The following STRBP variants were observed in gnomAD, a reference collection of about 807,000 sequenced individuals.
STRBP encodes spermatid perinuclear RNA binding protein, also known as spermatid perinuclear RNA-binding protein.
STRBP carries 13 observed loss-of-function variants against 80.1 expected under a neutral mutation model. That is an observed-to-expected ratio of 0.16 (90% CI 0.11 to 0.26). The LOEUF is 0.26. Ranked by LOEUF, STRBP falls within the 10% of genes least tolerant of loss-of-function variation. The pLI is 1.00. For synonymous variants in STRBP, 284 were observed against 291.2 expected (o/e 0.98, Z 0.25); for missense variants, 485 against 815.2 (o/e 0.59, Z 4.93).
Position 123,244,181 on chromosome 9 carries a change from T to C in STRBP, c.-301-7215A>G, listed in dbSNP as rs540504508. ...GACATGGAGAAACCTTAAATGCATA[T>C]AGCCTAGCAAAAGAAGCCAGTGTGA... On this transcript the variant is annotated intron_variant, in intron 1 of 18. Coordinates refer to ENST00000348403, the MANE Select transcript of STRBP (RefSeq NM_018387.5). 3.3e-5 allele frequency among the ~76,000 whole-genome samples: 5 copies of C among 152,246 alleles called. No homozygotes were observed. The South Asian group carries it at 6.2e-4, about 19-fold the overall frequency.
chr9:123,213,918 T>A (rs1354000351), intron 2 of STRBP: 1 of 136,646 alleles, frequency 7.3e-6, no homozygotes, highest in African/African-American at 2.8e-5. Context: ...CGAGACTCCA[T>A]CTCAAAAAAA....
chr9:123,191,258 A>G (rs551158792), intron 2 of STRBP, among the ~76,000 whole-genome samples: 1 of 152,324 alleles, frequency 6.6e-6, no homozygotes, highest in African/African-American at 2.4e-5. Flanking sequence ...GCACCTAAGC[A>G]AAGACTTGAT....
intron 2 of STRBP, among the ~76,000 whole-genome samples, chr9:123,201,384 C>T (rs2039320625): frequency 6.6e-6 from 1 of 152,050 alleles, no homozygotes; most frequent in Admixed American, 6.5e-5. Flanking sequence ...TTGCTGTATC[C>T]CAAAGGTTTT....
intron 2 of STRBP, among the ~76,000 whole-genome samples, chr9:123,206,920 G>A (rs957122543): frequency 2.6e-5 from 4 of 152,154 alleles, no homozygotes; most frequent in Non-Finnish European, 5.9e-5. Flanking sequence ...TTACAGGCAT[G>A]AGCCACCGCG....
At chr9:123,163,959 T>G (rs1314125706) in intron 6 of STRBP, among the ~76,000 whole-genome samples, 1 of 152,172 alleles carries the variant, frequency 6.6e-6, no homozygotes, top group Admixed American at 6.5e-5. Context: ...GTGAAACAGA[T>G]AAGAAACAGC....
intron 1 of STRBP, among the ~76,000 whole-genome samples, chr9:123,257,132 C>T (rs953807005): frequency 2.0e-5 from 3 of 152,108 alleles, no homozygotes; most frequent in African/African-American, 7.2e-5. Context: ...TCCAAACTTA[C>T]GCTCTGCTAA....
At chr9:123,118,431 C>T (rs1235923412), downstream of STRBP, among the ~76,000 whole-genome samples, 1 of 152,186 alleles carries the variant, frequency 6.6e-6, no homozygotes, top group African/African-American at 2.4e-5. Context: ...TCACTCTGCC[C>T]ACCAGCAGGG....
At chr9:123,209,717 A>AT (rs1588105848) in intron 2 of STRBP, among the ~76,000 whole-genome samples, 1 of 152,244 alleles carries the variant, frequency 6.6e-6, no homozygotes, top group Non-Finnish European at 1.5e-5. Flanking sequence ...GTGACAGGAG[A>AT]TACAGGTATT....
chr9:123,236,667 A>T (rs1473176329), intron 2 of STRBP, among the ~76,000 whole-genome samples, 163 bp downstream of exon 2: 7 of 152,176 alleles, frequency 4.6e-5, no homozygotes, highest in African/African-American at 1.7e-4. Flanking sequence ...TAAAAAAAAA[A>T]AAAAAAGTGT....
intron 1 of STRBP, among the ~76,000 whole-genome samples, chr9:123,268,206 C>A (rs2041319650): frequency 6.6e-6 from 1 of 151,844 alleles, no homozygotes; most frequent in Admixed American, 6.5e-5. Context: ...TTGCCCGAAG[C>A]GGCCGGGGCA....
chr9:123,178,407 T>G (rs1383070320), intron 4 of STRBP, among the ~76,000 whole-genome samples: 1 of 152,172 alleles, frequency 6.6e-6, no homozygotes, highest in Non-Finnish European at 1.5e-5. Context: ...CAGGTACCAT[T>G]TCAGTTTCAC....
intron 4 of STRBP, among the ~76,000 whole-genome samples, chr9:123,176,688 A>G (rs2038234331): frequency 6.6e-6 from 1 of 152,208 alleles, no homozygotes; most frequent in Admixed American, 6.5e-5. Flanking sequence ...ATTATGATAT[A>G]CTTGGTCTTA....
chr9:123,125,241 G>T lies in STRBP; in HGVS notation c.*356C>A. ...TGTGTTACAACAAAGCAGTTTATTT[G>T]TGATCAGTGTTTGAGACTCTATACA... On this transcript the variant is annotated 3_prime_UTR_variant, in exon 19 of 19. Transcript: ENST00000348403. 1.0e-6 allele frequency: 1 copy of T among 999,810 alleles called. No homozygotes were observed. The highest frequency in any genetic ancestry group is 1.2e-6 in the Non-Finnish European group (1 of 839,238). 61.9% of individuals were successfully genotyped at this position (999,810 alleles called of 1,614,324 possible).
chr9:123,193,881 C>T (rs1226431857), intron 2 of STRBP, among the ~76,000 whole-genome samples: 1 of 151,986 alleles, frequency 6.6e-6, no homozygotes, highest in Non-Finnish European at 1.5e-5. Flanking sequence ...TTAAATATAA[C>T]TAAGAAAAAA....
chr9:123,136,330 T>C lies in STRBP; in HGVS notation c.1632+51A>G, dbSNP rs374919381. The stretch of plus-strand genomic sequence containing the variant: ...AAAACTTTACATTAAGTTCAGGATA[T>C]CCTATGTCTTTGAGAAGAAAGATAA... On this transcript the variant is annotated intron_variant, in intron 15 of 18. Coordinates refer to ENST00000348403, the MANE Select transcript of STRBP (RefSeq NM_018387.5). The surrounding 1 kb of genome is among the most constrained non-coding windows in gnomAD (Gnocchi z 4.2). The C allele has an allele frequency of 3.1e-6, 5 of 1,608,936 alleles. No individual in the cohort carries two copies. The highest frequency in any genetic ancestry group is 4.2e-6 in the Non-Finnish European group (5 of 1,177,702).
intron 13 of STRBP, among the ~76,000 whole-genome samples, chr9:123,146,122 A>G (rs891631259): frequency 6.6e-6 from 1 of 151,990 alleles, no homozygotes; most frequent in African/African-American, 2.4e-5. Context: ...CTGTTATATG[A>G]AAGAACTTTT....
intron 1 of STRBP, among the ~76,000 whole-genome samples, chr9:123,257,970 G>A (rs1337183811): frequency 6.6e-6 from 1 of 151,462 alleles, no homozygotes; most frequent in Non-Finnish European, 1.5e-5. Flanking sequence ...TGCTTAATAA[G>A]GACTCAAGAT....
intron 11 of STRBP, among the ~76,000 whole-genome samples, chr9:123,156,086 A>AC: frequency 6.6e-6 from 1 of 152,122 alleles, no homozygotes; most frequent in Non-Finnish European, 1.5e-5. Flanking sequence ...AAAAAAAAAA[A>AC]AAACTAAGTC....
intron 2 of STRBP, among the ~76,000 whole-genome samples, chr9:123,196,176 G>A (rs1389273989): frequency 2.6e-5 from 4 of 152,086 alleles, no homozygotes; most frequent in South Asian, 2.1e-4. Context: ...ATCCATATGC[G>A]AAAGAAGGAA....
Sources: gnomAD v4.1 joint callset for allele counts (sites outside exome capture counted in the v4.1 genomes callset) on GRCh38, gnomAD v4.1.1 for gene constraint, Gnocchi (gnomAD v3.1) non-coding constraint, MANE v1.5 for transcripts, NCBI Gene and HGNC (gene_info 2026-07-23, HGNC 2026-07-21) for gene names.